The following PCDH15 variants were observed in gnomAD, a reference collection of about 807,000 sequenced individuals.
PCDH15 encodes protocadherin-15.
A neutral mutation model predicts 178.5 loss-of-function variants in PCDH15; 129 were observed. That is an observed-to-expected ratio of 0.72 (90% CI 0.63 to 0.84). The LOEUF (loss-of-function observed/expected upper bound fraction) is 0.84, where lower values mean the gene tolerates loss of function less well. Ranked by LOEUF, PCDH15 falls within the 40% of genes least tolerant of loss-of-function variation. The pLI is 0.00. For missense variants in PCDH15, 2,230 were observed against 2,099.9 expected (o/e 1.06, Z -1.21); for synonymous variants, 800 against 732.0 (o/e 1.09, Z -1.50).
intron 3 of PCDH15, among the ~76,000 whole-genome samples, chr10:54,451,894 G>T (rs1384085510): frequency 6.6e-6 from 1 of 151,764 alleles, no homozygotes; most frequent in Non-Finnish European, 1.5e-5. Flanking sequence ...CAGACTTCAG[G>T]CATTTAAGAA....
chr10:54,793,557 A>C (rs1457350551), intron 1 of PCDH15, among the ~76,000 whole-genome samples: 1 of 151,738 alleles, frequency 6.6e-6, no homozygotes, highest in African/African-American at 2.4e-5. Context: ...AAGCTGAAAA[A>C]GGCATGAATT....
chr10:54,585,273 T>C (rs1565667454), intron 2 of PCDH15, among the ~76,000 whole-genome samples: 1 of 152,250 alleles, frequency 6.6e-6, no homozygotes, highest in South Asian at 2.1e-4. Flanking sequence ...AGTTTCTGAT[T>C]TGGTACTCCC....
At chr10:54,744,316 A>G (rs1945188891) in intron 1 of PCDH15, among the ~76,000 whole-genome samples, 1 of 152,148 alleles carries the variant, frequency 6.6e-6, no homozygotes, top group South Asian at 2.1e-4. Context: ...AGAGGATGCA[A>G]CTAAGCATTG....
At chr10:53,846,020 G>GTA (rs1387011360) in intron 28 of PCDH15, among the ~76,000 whole-genome samples, 2 of 92,320 alleles carry the variant, frequency 2.2e-5, no homozygotes, top group Non-Finnish European at 4.2e-5. Flanking sequence ...TAGTGTATGT[G>GTA]TATACACACA....
At chr10:54,805,521 G>A (rs996153414), upstream of PCDH15, among the ~76,000 whole-genome samples, 1 of 152,110 alleles carries the variant, frequency 6.6e-6, no homozygotes, top group African/African-American at 2.4e-5. Context: ...ATGTTGCATA[G>A]CTTTGTTTTT....
intron 2 of PCDH15, among the ~76,000 whole-genome samples, chr10:54,563,708 G>T (rs765378927): frequency 2.0e-5 from 3 of 152,082 alleles, no homozygotes; most frequent in Non-Finnish European, 2.9e-5. Flanking sequence ...CTGTTAAATT[G>T]TGGCTCCAGC....
chr10:54,959,377 A>T (rs2131882424), intron 2 of PCDH15, among the ~76,000 whole-genome samples: 1 of 152,130 alleles, frequency 6.6e-6, no homozygotes. Flanking sequence ...TGATTGAATT[A>T]GAAAAACCAC....
At chr10:53,851,594 T>C (rs2078360365) in intron 28 of PCDH15, among the ~76,000 whole-genome samples, 1 of 148,822 alleles carries the variant, frequency 6.7e-6, no homozygotes, top group East Asian at 2.0e-4. Context: ...TTTTATTACA[T>C]TGATTTAAGA....
intron 3 of PCDH15, among the ~76,000 whole-genome samples, chr10:54,833,622 C>T (rs1023736823): frequency 2.0e-5 from 3 of 152,186 alleles, no homozygotes; most frequent in Non-Finnish European, 2.9e-5. Flanking sequence ...CTTGACAGCC[C>T]TCACAGTCAT....
intron 2 of PCDH15, among the ~76,000 whole-genome samples, chr10:55,482,675 C>T (rs1165838570): frequency 6.6e-6 from 1 of 151,816 alleles, no homozygotes; most frequent in East Asian, 1.9e-4. Context: ...AGGATTTCCA[C>T]TGAGATGTCC....
intron 21 of PCDH15, among the ~76,000 whole-genome samples, chr10:53,975,735 T>C (rs1470959627): frequency 6.6e-6 from 1 of 152,140 alleles, no homozygotes; most frequent in Non-Finnish European, 1.5e-5. Flanking sequence ...GTTTACTTTG[T>C]TGATAGTCTC....
rs568324250 is a variant in PCDH15 at position 54,435,878 on chromosome 10, G to A, written c.158-56936C>T. 8.5e-5 allele frequency among the ~76,000 whole-genome samples: 13 copies of A among 152,112 alleles called. No individual in the cohort carries two copies. The South Asian group carries it at 1.7e-3, about 19-fold the overall frequency. ...CCAGCTACTCGGGAGGCTGAGGCAG[G>A]AGAATGGCGTGAACCCGGGAAGCAG... On this transcript the variant is annotated intron_variant, in intron 3 of 37. Coordinates refer to ENST00000644397, the MANE Select transcript of PCDH15 (RefSeq NM_001384140.1).
At chr10:54,500,557 C>T (rs957522138) in intron 3 of PCDH15, among the ~76,000 whole-genome samples, 6 of 152,028 alleles carry the variant, frequency 3.9e-5, no homozygotes, top group Admixed American at 6.6e-5. Context: ...TAGTCAGGCC[C>T]GGTGGTTCAC....
chr10:55,379,983 T>G (rs1777675), intron 2 of PCDH15, among the ~76,000 whole-genome samples: 92,304 of 151,866 alleles, frequency 0.61, 28,810 homozygotes, highest in African/African-American at 0.7. Flanking sequence ...TGTAGGCCAA[T>G]AATCCAATGA....
At chr10:55,596,665 T>A (rs542193384) in intron 2 of PCDH15, among the ~76,000 whole-genome samples, 1 of 152,296 alleles carries the variant, frequency 6.6e-6, no homozygotes, top group East Asian at 1.9e-4. Flanking sequence ...TACCATTTAA[T>A]GTATTTTAAT....
intron 2 of PCDH15, among the ~76,000 whole-genome samples, chr10:54,589,528 T>A (rs2091740483): frequency 6.6e-6 from 1 of 152,220 alleles, no homozygotes; most frequent in African/African-American, 2.4e-5. Flanking sequence ...TTAACTTATT[T>A]GTTAATTTTA....
chr10:54,476,916 T>C (rs1022509991), intron 3 of PCDH15, among the ~76,000 whole-genome samples: 6 of 152,120 alleles, frequency 3.9e-5, no homozygotes, highest in Admixed American at 3.9e-4. Flanking sequence ...CATTCTTCTT[T>C]CCAGTATCAA....
chr10:54,239,128 T>G (rs567558128), intron 8 of PCDH15, among the ~76,000 whole-genome samples: 38 of 152,260 alleles, frequency 2.5e-4, no homozygotes, highest in Middle Eastern at 3.4e-3. Context: ...ATGTAAAATG[T>G]AAGCAAATCA....
chr10:54,730,404 G>A (rs1332222868), intron 1 of PCDH15, among the ~76,000 whole-genome samples: 1 of 151,538 alleles, frequency 6.6e-6, no homozygotes, highest in Non-Finnish European at 1.5e-5. Flanking sequence ...CCTGAGGGTA[G>A]AGGGTGGGAG....
Sources: gnomAD v4.1 joint callset for allele counts (sites outside exome capture counted in the v4.1 genomes callset) on GRCh38, gnomAD v4.1.1 for gene constraint, MANE v1.5 for transcripts, NCBI Gene and HGNC (gene_info 2026-07-23, HGNC 2026-07-21) for gene names.